Variants in TTC7B observed in about 807,000 individuals in gnomAD.
TTC7B encodes tetratricopeptide repeat protein 7B.
Under a neutral mutation model 106.8 loss-of-function variants are expected in TTC7B, and 28 were observed. That is an observed-to-expected ratio of 0.26 (90% CI 0.19 to 0.36). The LOEUF is 0.36. Ranked by LOEUF, TTC7B falls within the 10% of genes least tolerant of loss-of-function variation. The probability of loss-of-function intolerance (pLI) is 1.00; values close to 1 mark genes in which losing one functional copy is unlikely to be tolerated. For missense variants in TTC7B, 862 were observed against 1,076.4 expected, an observed-to-expected ratio of 0.80 and a Z score of 2.79; for synonymous variants, 405 against 430.6, an observed-to-expected ratio of 0.94 and a Z score of 0.74.
chr14:90,636,426 G>GT (rs1282085504), intron 15 of TTC7B, among the ~76,000 whole-genome samples: 22 of 80,540 alleles, frequency 2.7e-4, no homozygotes, highest in African/African-American at 8.4e-4. Flanking sequence ...TAACGATGTG[G>GT]TAAAAAAAAA....
chr14:90,766,105 C>A (rs974280080), intron 3 of TTC7B, among the ~76,000 whole-genome samples: 1 of 150,342 alleles, frequency 6.7e-6, no homozygotes, highest in Non-Finnish European at 1.5e-5. Flanking sequence ...ATACCCCAGG[C>A]TGATCCTTGG....
chr14:90,572,924 T>C lies in TTC7B; in HGVS notation c.2310+5182A>G, dbSNP rs1891090194. 2.0e-5 allele frequency among the ~76,000 whole-genome samples: 3 copies of C among 152,130 alleles called. No homozygotes were observed. The South Asian group carries it at 6.2e-4, about 31-fold the overall frequency. On this transcript the variant is annotated intron_variant, in intron 19 of 19. Coordinates refer to ENST00000328459, the MANE Select transcript of TTC7B (RefSeq NM_001010854.2). ...GGCACATGGCCCCCAGCGTACTCTT[T>C]GGGCCAACTGCCTCAGCCCAACCCC...
At chr14:90,806,072 A>G (rs114769667) in intron 1 of TTC7B, among the ~76,000 whole-genome samples, 2,357 of 152,370 alleles carry the variant, frequency 0.015, 16 homozygotes, top group African/African-American at 0.026. Context: ...CGTTTCATTG[A>G]ATAATTAATT....
At chr14:90,686,772 C>T (rs768910819) in intron 7 of TTC7B, among the ~76,000 whole-genome samples, 9 of 152,076 alleles carry the variant, frequency 5.9e-5, no homozygotes, top group African/African-American at 1.4e-4. Context: ...CACATGTGCA[C>T]GCACGTGTGC....
intron 6 of TTC7B, among the ~76,000 whole-genome samples, chr14:90,691,238 T>C (rs1315594234): frequency 6.6e-6 from 1 of 152,184 alleles, no homozygotes; most frequent in African/African-American, 2.4e-5. Context: ...CATGGAGGGA[T>C]TTTAAAGTTG....
chr14:90,614,016 A>G (rs957069023), intron 16 of TTC7B, among the ~76,000 whole-genome samples: 1 of 152,116 alleles, frequency 6.6e-6, no homozygotes, highest in African/African-American at 2.4e-5. Flanking sequence ...TGGAGTCAGA[A>G]CCCTGGAGCT....
chr14:90,618,064 G>A lies in TTC7B; in HGVS notation c.1752-19C>T, dbSNP rs753694842. On this transcript the variant is annotated intron_variant, in intron 15 of 19. Transcript: ENST00000328459. ...CAGTAGTCTGCAGTGGGGAGACAAA[G>A]GGAGAAAACACCACGGCTCAAGCCA... 9 of 1,577,572 alleles carry A rather than the reference G, an allele frequency of 5.7e-6. No homozygotes were observed. The highest frequency in any genetic ancestry group is 1.3e-5 in the African/African-American group (1 of 74,158).
At chr14:90,656,606 A>G (rs1408374567) in intron 11 of TTC7B, among the ~76,000 whole-genome samples, 1 of 152,210 alleles carries the variant, frequency 6.6e-6, no homozygotes, top group East Asian at 1.9e-4. Flanking sequence ...AGCCTAGGCA[A>G]CAGAGTAAGA....
chr14:90,572,816 G>A (rs892159325), intron 19 of TTC7B, among the ~76,000 whole-genome samples: 6 of 152,106 alleles, frequency 3.9e-5, no homozygotes, highest in African/African-American at 1.2e-4. Context: ...ACCAAGCAGC[G>A]CTCCTGATCC....
chr14:90,618,310 C>T (rs1893172455), intron 15 of TTC7B, among the ~76,000 whole-genome samples: 1 of 152,202 alleles, frequency 6.6e-6, no homozygotes, highest in Non-Finnish European at 1.5e-5. Flanking sequence ...CAATTTTATT[C>T]AGAACACAGG....
In TTC7B at chr14:90,570,669, G is replaced by A. The variant is rs943028646; in HGVS notation, c.2310+7437C>T. 2.6e-5 allele frequency among the ~76,000 whole-genome samples: 4 copies of A among 152,232 alleles called. No individual in the cohort carries two copies. Among genetic ancestry groups the A allele is most frequent in the African/African-American group, 9.6e-5 (4 of 41,528 alleles). On this transcript the variant is annotated intron_variant, in intron 19 of 19. Transcript: ENST00000328459. The surrounding 1 kb of genome is among the most constrained non-coding windows in gnomAD (Gnocchi z 4.0). ...GGTGCAGAAAGGGAAGCTCCATGGGGCCAGGAGATGACTCACTCACTGTCA... is the reference window on the plus strand; with the variant it reads ...GGTGCAGAAAGGGAAGCTCCATGGGACCAGGAGATGACTCACTCACTGTCA...
rs139703952 is a variant in TTC7B at position 90,581,421 on chromosome 14, C to T, written c.2108-3113G>A. ...ACAAACACCCTCCTAATGACACCAT[C>T]GGGCTGTCTGATGCCTTTCAGTAAC... On this transcript the variant is annotated intron_variant, in intron 18 of 19. Transcript: ENST00000328459. Among the ~76,000 whole-genome samples, 56 of 152,342 alleles carry T rather than the reference C, an allele frequency of 3.7e-4. No individual in the cohort carries two copies. In the East Asian group the frequency reaches 7.7e-3, roughly 21 times the overall value.
intron 5 of TTC7B, among the ~76,000 whole-genome samples, chr14:90,721,936 G>A (rs1452519060): frequency 2.0e-5 from 3 of 152,228 alleles, no homozygotes; most frequent in African/African-American, 7.2e-5. Context: ...CATGTATCAA[G>A]AGAAGTGATG....
In TTC7B at chr14:90,805,324, C is replaced by T. The variant is rs544376623; in HGVS notation, c.121+10851G>A. Among the ~76,000 whole-genome samples, 77 of 152,290 alleles carry T rather than the reference C, an allele frequency of 5.1e-4. No homozygotes were observed. The Middle Eastern group carries it at 0.01, about 20-fold the overall frequency. On this transcript the variant is annotated intron_variant, in intron 1 of 19. Transcript: ENST00000328459. This position sits in a 1 kb window ranked among gnomAD's most constrained non-coding sequence, Gnocchi z 4.0. ...AGGGTAGTGTGCAGTGGCGCGATCT[C>T]GGCTCACTGCAACCTCTACCTCCCG...
chr14:90,803,097 CA>C (rs2030377196), intron 1 of TTC7B, among the ~76,000 whole-genome samples: 2 of 151,598 alleles, frequency 1.3e-5, no homozygotes. Context: ...GAGCTGAGAT[CA>C]CACCACTGCA....
intron 4 of TTC7B, among the ~76,000 whole-genome samples, chr14:90,734,279 G>T (rs1029167924): frequency 4.6e-5 from 7 of 152,022 alleles, no homozygotes; most frequent in Non-Finnish European, 1.0e-4. Context: ...ACTTAGCCAG[G>T]TGTGGTGGCA....
At chr14:90,723,658 C>T (rs1888978793) in intron 5 of TTC7B, among the ~76,000 whole-genome samples, 1 of 152,224 alleles carries the variant, frequency 6.6e-6, no homozygotes, top group African/African-American at 2.4e-5. Flanking sequence ...ATCTCAATGT[C>T]ACCTCCTCCG....
chr14:90,626,620 C>T (rs950014390), intron 15 of TTC7B, among the ~76,000 whole-genome samples: 3 of 152,196 alleles, frequency 2.0e-5, no homozygotes, highest in African/African-American at 7.2e-5. Context: ...CAGGCAAGTG[C>T]GATGACCAGA....
chr14:90,695,010 T>G (rs1015897770), intron 6 of TTC7B, among the ~76,000 whole-genome samples: 4,440 of 92,378 alleles, frequency 0.048, 585 homozygotes, highest in East Asian at 0.12. Flanking sequence ...CCACATATAT[T>G]TATTATAAAT....
Sources: allele counts gnomAD v4.1 joint callset (sites outside exome capture counted in the v4.1 genomes callset), GRCh38; gene constraint gnomAD v4.1.1; non-coding constraint Gnocchi (gnomAD v3.1); transcripts MANE v1.5; gene names NCBI Gene and HGNC (gene_info 2026-07-23, HGNC 2026-07-21).